CORO2B: variants seen among roughly 807,000 people sequenced by gnomAD.
CORO2B encodes coronin-2B.
CORO2B carries 26 observed loss-of-function variants against 58.8 expected under a neutral mutation model. The observed-to-expected ratio is 0.44, with a 90% CI of 0.32 to 0.61. The LOEUF (loss-of-function observed/expected upper bound fraction) is 0.61, where lower values mean the gene tolerates loss of function less well. CORO2B is among the 20% of genes least tolerant of loss of function. CORO2B has a pLI of 0.04. For missense variants in CORO2B, 460 were observed against 645.1 expected (o/e 0.71, Z 3.11); for synonymous variants, 242 against 253.8 (o/e 0.95, Z 0.44).
At chr15:68,549,227 G>A in the CORO2B span, among the ~76,000 whole-genome samples, 5 of 152,118 alleles carry the variant, frequency 3.3e-5, no homozygotes, top group African/African-American at 7.2e-5. Context: ...CTGTTTTAAC[G>A]GCCATTTACA....
At chr15:68,620,057 G>A (rs547152521) in intron 1 of CORO2B, among the ~76,000 whole-genome samples, 4 of 152,094 alleles carry the variant, frequency 2.6e-5, no homozygotes, top group South Asian at 2.1e-4. Context: ...GATTACAGGC[G>A]CACGCCACAA....
chr15:68,579,343 G>C, intron 1 of CORO2B, 66 bp downstream of exon 1: 1 of 1,230,516 alleles, frequency 8.1e-7, no homozygotes, highest in Non-Finnish European at 1.0e-6. Flanking sequence ...CTAGGCTGCG[G>C]GGGGCGCGGG....
intron 1 of CORO2B, among the ~76,000 whole-genome samples, chr15:68,642,180 G>A (rs1901269845): frequency 6.6e-6 from 1 of 152,046 alleles, no homozygotes; most frequent in South Asian, 2.1e-4. Flanking sequence ...GGGATTACAG[G>A]TGCCTGCCAC....
intron 1 of CORO2B, among the ~76,000 whole-genome samples, chr15:68,587,995 G>A (rs1247254625): frequency 6.6e-6 from 1 of 152,214 alleles, no homozygotes; most frequent in African/African-American, 2.4e-5. Context: ...CTAGTCCCTG[G>A]ATGTCTCTGA....
chr15:68,715,549 T>C (rs191451294), intron 8 of CORO2B, among the ~76,000 whole-genome samples: 2 of 152,232 alleles, frequency 1.3e-5, no homozygotes, highest in African/African-American at 4.8e-5. Flanking sequence ...GCATGTGCTC[T>C]GCGTCTGCAC....
At chr15:68,545,703 C>T in the CORO2B span, among the ~76,000 whole-genome samples, 1 of 151,438 alleles carries the variant, frequency 6.6e-6, no homozygotes, top group East Asian at 1.9e-4. Context: ...TAGTTCCTGG[C>T]AGAATCACTC....
At chr15:68,650,515 G>A (rs1156589806) in intron 2 of CORO2B, among the ~76,000 whole-genome samples, 1 of 152,210 alleles carries the variant, frequency 6.6e-6, no homozygotes, top group Non-Finnish European at 1.5e-5. Context: ...GGGAGGCTGA[G>A]GCCGGAGAAT....
intron 8 of CORO2B, 83 bp from the exon 9 acceptor site, chr15:68,718,615 C>CAGAACAT: frequency 8.2e-7 from 1 of 1,213,588 alleles, no homozygotes; most frequent in African/African-American, 1.5e-5. Flanking sequence ...CTCAGCCTTT[C>CAGAACAT]CCCTGGCCCA....
chr15:68,639,685 C>T (rs1446080275), intron 1 of CORO2B, among the ~76,000 whole-genome samples: 1 of 152,348 alleles, frequency 6.6e-6, no homozygotes, highest in East Asian at 1.9e-4. Context: ...ATCTTGAACC[C>T]CCCCAGGGAT....
At chr15:68,588,008 G>C (rs975194862) in intron 1 of CORO2B, among the ~76,000 whole-genome samples, 1 of 152,236 alleles carries the variant, frequency 6.6e-6, no homozygotes, top group Non-Finnish European at 1.5e-5. Flanking sequence ...GTCTCTGAGC[G>C]TCTGTGAAAA....
In CORO2B at chr15:68,673,775, T is replaced by C. The variant is rs959806350; in HGVS notation, c.217-21365T>C. Among the ~76,000 whole-genome samples the C allele has an allele frequency of 4.0e-5, 6 of 150,044 alleles. No homozygotes were observed. The South Asian group carries it at 6.3e-4, about 16-fold the overall frequency. On this transcript the variant is annotated intron_variant, in intron 2 of 11. Coordinates refer to ENST00000261861, the MANE Select transcript of CORO2B (RefSeq NM_006091.5). ...TCACCTGAACGGGGGAGACAGAGTTTGCAGTGAGCCGAGATGGCGCCACTG... is the reference window on the plus strand; with the variant it reads ...TCACCTGAACGGGGGAGACAGAGTTCGCAGTGAGCCGAGATGGCGCCACTG...
intron 2 of CORO2B, among the ~76,000 whole-genome samples, chr15:68,686,492 G>A (rs571039031): frequency 1.8e-4 from 28 of 152,142 alleles, no homozygotes; most frequent in Non-Finnish European, 3.8e-4. Context: ...TGGGCAAGTC[G>A]CCTCCCAGAG....
the CORO2B span, among the ~76,000 whole-genome samples, chr15:68,559,815 C>T: frequency 6.6e-6 from 1 of 152,188 alleles, no homozygotes; most frequent in Non-Finnish European, 1.5e-5. This position sits in a 1 kb window ranked among gnomAD's most constrained non-coding sequence, Gnocchi z 4.3. Flanking sequence ...GGAGCTGCGG[C>T]GCTCCAGGAC....
the CORO2B span, among the ~76,000 whole-genome samples, chr15:68,540,739 T>G: frequency 2.0e-4 from 30 of 148,902 alleles, no homozygotes; most frequent in African/African-American, 7.7e-4. Context: ...TAAAGTTGGC[T>G]TTTTTTTTAA....
At chr15:68,703,212 G>A (rs796337588) in intron 3 of CORO2B, among the ~76,000 whole-genome samples, 28 of 143,142 alleles carry the variant, frequency 2.0e-4, no homozygotes, top group African/African-American at 6.0e-4. Context: ...ATGCAGTGGC[G>A]CGATCTCAGC....
At chr15:68,669,164 GAAAGA>G (rs879673511) in intron 2 of CORO2B, among the ~76,000 whole-genome samples, 6 of 150,580 alleles carry the variant, frequency 4.0e-5, no homozygotes, top group South Asian at 4.2e-4. Flanking sequence ...AGAAAAGAAA[GAAAGA>G]AAAGAAAAGA....
At chr15:68,569,089 C>G in the CORO2B span, among the ~76,000 whole-genome samples, 3 of 152,304 alleles carry the variant, frequency 2.0e-5, no homozygotes, top group South Asian at 6.2e-4. Context: ...TGTCAACATC[C>G]CCCACCAAAG....
At chr15:68,675,734 G>T (rs1374578187) in intron 2 of CORO2B, among the ~76,000 whole-genome samples, 1 of 152,116 alleles carries the variant, frequency 6.6e-6, no homozygotes, top group Non-Finnish European at 1.5e-5. Context: ...TTAACACATT[G>T]TAGGTTCTCT....
chr15:68,595,425 T>C (rs1240447138), intron 1 of CORO2B, among the ~76,000 whole-genome samples: 3 of 152,250 alleles, frequency 2.0e-5, no homozygotes, highest in Non-Finnish European at 4.4e-5. Flanking sequence ...ATACGCCTTA[T>C]CGTCAGATAT....
Sources: gnomAD v4.1 joint callset for allele counts (sites outside exome capture counted in the v4.1 genomes callset) on GRCh38, gnomAD v4.1.1 for gene constraint, Gnocchi (gnomAD v3.1) non-coding constraint, MANE v1.5 for transcripts, NCBI Gene and HGNC (gene_info 2026-07-23, HGNC 2026-07-21) for gene names.